The following PCDHGA4 variants were observed in gnomAD, a reference collection of about 807,000 sequenced individuals.
PCDHGA4 encodes the protein protocadherin gamma-A4.
PCDHGA4 carries 38 observed loss-of-function variants against 54.6 expected under a neutral mutation model. The ratio of observed to expected loss-of-function variants is 0.70; its 90% CI spans 0.54 to 0.91. The LOEUF is 0.91. Ranked by LOEUF, PCDHGA4 falls within the 40% of genes least tolerant of loss-of-function variation. The probability of loss-of-function intolerance (pLI) is 0.00; values close to 1 mark genes in which losing one functional copy is unlikely to be tolerated. For synonymous variants in PCDHGA4, 511 were observed against 512.9 expected (o/e 1.00, Z 0.05); for missense variants, 1,298 against 1,220.9 (o/e 1.06, Z -0.94).
intron 1 of PCDHGA4, chr5:141,372,479 G>A (rs568230269): frequency 1.9e-6 from 3 of 1,614,020 alleles, no homozygotes; most frequent in African/African-American, 2.7e-5. Flanking sequence ...TAGTAGTGGC[G>A]TTGGCCTTGA....
At chr5:141,427,826 G>A (rs550161736) in intron 1 of PCDHGA4, 2 of 1,536,500 alleles carry the variant, frequency 1.3e-6, no homozygotes, top group Admixed American at 3.3e-5. Flanking sequence ...TGGTGGTCGC[G>A]CAGCGTGCCT....
intron 1 of PCDHGA4, among the ~76,000 whole-genome samples, chr5:141,445,978 TTATAAA>T (rs551337386): frequency 6.6e-6 from 1 of 152,272 alleles, no homozygotes; most frequent in East Asian, 1.9e-4. Context: ...TTTATGAGGG[TTATAAA>T]TAGAAATAGG....
At chr5:141,466,457 A>G (rs969935541) in intron 1 of PCDHGA4, among the ~76,000 whole-genome samples, 12 of 152,146 alleles carry the variant, frequency 7.9e-5, no homozygotes, top group Admixed American at 6.6e-4. Context: ...GGTGTTGGCT[A>G]TTGTTTCTGC....
At chr5:141,478,396 G>GT in intron 1 of PCDHGA4, 1 of 1,613,564 alleles carries the variant, frequency 6.2e-7, no homozygotes, top group Non-Finnish European at 8.5e-7. Flanking sequence ...ACCATCAGGT[G>GT]TATCTCACCA....
In PCDHGA4 at chr5:141,476,101, A is replaced by G; in HGVS notation, c.2515-18706A>G. The G allele has an allele frequency of 6.3e-7, 1 of 1,576,386 alleles. No individual in the cohort carries two copies. Among genetic ancestry groups the G allele is most frequent in the East Asian group, 2.2e-5 (1 of 44,540 alleles). On this transcript the variant is annotated intron_variant, in intron 1 of 3. Coordinates refer to ENST00000571252, the MANE Select transcript of PCDHGA4 (RefSeq NM_018917.4). This position sits in a 1 kb window ranked among gnomAD's most constrained non-coding sequence, Gnocchi z 7.6. ...GACGATCTGGACCCCGCTGAGAGGA[A>G]CTGCTTTTGAGTGAGATGGTCCCAG... is the stretch of plus-strand genomic sequence containing the variant.
At chr5:141,365,624 CT>C (rs746073456) in intron 1 of PCDHGA4, 28 of 1,613,680 alleles carry the variant, frequency 1.7e-5, no homozygotes, top group East Asian at 1.3e-4. Flanking sequence ...AACCCCGCCC[CT>C]CTCTACAGAA....
At chr5:141,458,730 C>T (rs1239174331) in intron 1 of PCDHGA4, among the ~76,000 whole-genome samples, 1 of 151,928 alleles carries the variant, frequency 6.6e-6, no homozygotes, top group Non-Finnish European at 1.5e-5. Flanking sequence ...CCACCACATC[C>T]AGCTATTGGT....
intron 1 of PCDHGA4, among the ~76,000 whole-genome samples, chr5:141,456,845 C>T (rs1308477735): frequency 6.6e-6 from 1 of 152,092 alleles, no homozygotes; most frequent in African/African-American, 2.4e-5. Context: ...CGCCTGTAAT[C>T]CCAGCTAATT....
intron 1 of PCDHGA4, chr5:141,424,652 G>T (rs1392693867): frequency 6.6e-6 from 1 of 152,120 alleles, no homozygotes; most frequent in East Asian, 1.9e-4. Context: ...AAGGTATTTG[G>T]ACTTTAATTA....
intron 1 of PCDHGA4, chr5:141,388,025 G>A (rs986664863): frequency 6.9e-7 from 1 of 1,447,232 alleles, no homozygotes. Flanking sequence ...GCTCCGTAGT[G>A]GGGAACCTCG....
chr5:141,459,580 G>C (rs1364413383), intron 1 of PCDHGA4, among the ~76,000 whole-genome samples: 1 of 152,118 alleles, frequency 6.6e-6, no homozygotes, highest in Non-Finnish European at 1.5e-5. Flanking sequence ...GAATTGTTTT[G>C]GGGGTCATAT....
chr5:141,388,324 A>G, intron 1 of PCDHGA4: 1 of 1,613,978 alleles, frequency 6.2e-7, no homozygotes, highest in Non-Finnish European at 8.5e-7. Context: ...GAGTCTGCAC[A>G]GCCTGGCACA....
chr5:141,419,414 GCCTTCGACCACGAGCAGCTGCGCA>G, intron 1 of PCDHGA4: 1 of 1,613,428 alleles, frequency 6.2e-7, no homozygotes, highest in South Asian at 1.1e-5. Context: ...CGCGCAGCGC[GCCTTCGACCACGAGCAGCTGCGCA>G]CCTTCGAGCT....
intron 1 of PCDHGA4, chr5:141,418,237 T>G (rs1470328670): frequency 6.2e-7 from 1 of 1,614,044 alleles, no homozygotes. Context: ...TTGAGGATGT[T>G]AATGACCACG....
At chr5:141,395,067 A>G (rs1200049263) in intron 1 of PCDHGA4, 4 of 1,613,888 alleles carry the variant, frequency 2.5e-6, no homozygotes, top group South Asian at 1.1e-5. Context: ...TTTCCTGCAG[A>G]CCTATTCCCA....
In PCDHGA4 at chr5:141,490,949, A is replaced by G. The variant is rs2074912; in HGVS notation, c.2515-3858A>G. On this transcript the variant is annotated intron_variant, in intron 1 of 3. Coordinates refer to ENST00000571252, the MANE Select transcript of PCDHGA4 (RefSeq NM_018917.4). The surrounding 1 kb of genome is among the most constrained non-coding windows in gnomAD (Gnocchi z 5.4). ...CCAGCTGTGCTGCACCCACGGCCAG[A>G]CTGGGAACACTCAGCCCCCCAGCGT... 0.21 allele frequency: 331,850 copies of G among 1,613,352 alleles called. 36,311 individuals carry two copies. The highest frequency in any genetic ancestry group is 0.37 in the Admixed American group (22,349 of 59,972).
At chr5:141,388,251 A>G in intron 1 of PCDHGA4, 1 of 1,610,692 alleles carries the variant, frequency 6.2e-7, no homozygotes, top group Non-Finnish European at 8.5e-7. Flanking sequence ...GAATGTGGAG[A>G]TCGAGGACAT....
intron 1 of PCDHGA4, chr5:141,433,178 A>G: frequency 6.2e-7 from 1 of 1,608,316 alleles, no homozygotes. Context: ...TCATGGGTTA[A>G]TTGAGGTGAG....
intron 1 of PCDHGA4, chr5:141,442,380 T>G (rs1235241143): frequency 2.6e-5 from 4 of 152,244 alleles, no homozygotes; most frequent in Non-Finnish European, 4.4e-5. Flanking sequence ...TCCTACCAGG[T>G]GTGTGCTTCT....
Sources: gnomAD v4.1 joint callset for allele counts (sites outside exome capture counted in the v4.1 genomes callset) on GRCh38, gnomAD v4.1.1 for gene constraint, Gnocchi (gnomAD v3.1) non-coding constraint, MANE v1.5 for transcripts, NCBI Gene and HGNC (gene_info 2026-07-23, HGNC 2026-07-21) for gene names.